Variants in UBASH3A observed in about 807,000 individuals in gnomAD.
The protein encoded by UBASH3A is ubiquitin-associated and SH3 domain-containing protein A.
Under a neutral mutation model 73.5 loss-of-function variants are expected in UBASH3A, and 63 were observed. The observed-to-expected ratio is 0.86, with a 90% CI of 0.70 to 1.06. UBASH3A has a LOEUF of 1.06. Among genes scored for constraint, UBASH3A ranks in the 50% least tolerant of loss-of-function variants. UBASH3A has a pLI of 0.00. For missense variants in UBASH3A, 860 were observed against 859.0 expected (o/e 1.00, Z -0.02); for synonymous variants, 363 against 351.1 (o/e 1.03, Z -0.38).
At chr21:42,406,453 A>C in intron 2 of UBASH3A, 92 bp downstream of exon 2, 1 of 1,144,630 alleles carries the variant, frequency 8.7e-7, no homozygotes, top group South Asian at 1.2e-5. Context: ...TACCAGGAAG[A>C]GCCGGGCGCC....
chr21:42,410,303 A>G (rs967740555), intron 3 of UBASH3A: 3 of 616,574 alleles, frequency 4.9e-6, no homozygotes, highest in Non-Finnish European at 8.7e-6. Context: ...AGAGGGGCTT[A>G]AGGAAGGGCA....
intron 6 of UBASH3A, among the ~76,000 whole-genome samples, 153 bp downstream of exon 6, chr21:42,416,764 T>C (rs1271795995): frequency 6.6e-6 from 1 of 152,058 alleles, no homozygotes; most frequent in African/African-American, 2.4e-5. Context: ...AAACCTCGTC[T>C]CTACTAAAAA....
intron 8 of UBASH3A, among the ~76,000 whole-genome samples, chr21:42,427,369 C>T (rs1028547460): frequency 3.9e-5 from 6 of 152,206 alleles, no homozygotes; most frequent in Admixed American, 2.6e-4. Context: ...TCTGAAGCTT[C>T]ACACTCCTTA....
At position 42,413,508 on chromosome 21, in the gene UBASH3A, T is replaced by C. The variant is rs747725715; in HGVS notation, c.652T>C (p.Tyr218His). 6.2e-7 allele frequency: 1 copy of C among 1,613,240 alleles called. No individual in the cohort carries two copies. Among genetic ancestry groups the C allele is most frequent in the Non-Finnish European group, 8.5e-7 (1 of 1,179,370 alleles). Residue 218 changes from tyrosine to histidine, a missense_variant, in exon 5 of 15, where the codon TAC becomes CAC. By Grantham distance (83) the Tyr-to-His change is moderately conservative. Coordinates refer to ENST00000319294, the MANE Select transcript of UBASH3A (RefSeq NM_018961.4). The surrounding 1 kb of genome is among the most constrained non-coding windows in gnomAD (Gnocchi z 4.5). ...NLTRASFVSH[Y>H]ILQKYCSVKP... The stretch of plus-strand genomic sequence containing the variant: ...AACTAGAGCCTCCTTCGTGAGCCAC[T>C]ACATCCTTCAAAAATGTAAGCCATT...
Position 42,413,831 on chromosome 21 carries a change from T to C in UBASH3A, c.667+308T>C, listed in dbSNP as rs947670832. On this transcript the variant is annotated intron_variant, in intron 5 of 14. Coordinates refer to ENST00000319294, the MANE Select transcript of UBASH3A (RefSeq NM_018961.4). The surrounding 1 kb of genome is among the most constrained non-coding windows in gnomAD (Gnocchi z 4.5). ...CCTTGGCCTCTCCAGGGAAAGATTA[T>C]TTAGACTCATATTCAGAATCATCAA... is the stretch of plus-strand genomic sequence containing the variant. Among the ~76,000 whole-genome samples, 1 of 152,150 alleles carries C rather than the reference T, an allele frequency of 6.6e-6. No homozygotes were observed. Among genetic ancestry groups the C allele is most frequent in the African/African-American group, 2.4e-5 (1 of 41,454 alleles).
intron 1 of UBASH3A, among the ~76,000 whole-genome samples, chr21:42,404,635 C>G (rs1389643600): frequency 6.6e-6 from 1 of 152,182 alleles, no homozygotes; most frequent in African/African-American, 2.4e-5. Context: ...AGTGGCGTTT[C>G]AAGATATTCA....
chr21:42,421,454 A>G (rs1197777953), intron 7 of UBASH3A, among the ~76,000 whole-genome samples: 3 of 152,174 alleles, frequency 2.0e-5, no homozygotes, highest in African/African-American at 7.2e-5. Context: ...TCATTTGTTT[A>G]ATTCTCTCCT....
chr21:42,404,772 G>A (rs1367502165), intron 1 of UBASH3A, among the ~76,000 whole-genome samples: 1 of 152,186 alleles, frequency 6.6e-6, no homozygotes, highest in East Asian at 1.9e-4. Context: ...TTGAGTGTCT[G>A]ATAACGAAAC....
chr21:42,430,184 C>T (rs1200194812), intron 8 of UBASH3A, among the ~76,000 whole-genome samples: 1 of 152,156 alleles, frequency 6.6e-6, no homozygotes, highest in African/African-American at 2.4e-5. Flanking sequence ...AGGGACACCA[C>T]GGGGGACCAC....
intron 11 of UBASH3A, 113 bp downstream of exon 11, chr21:42,437,693 A>G: frequency 1.1e-6 from 1 of 941,318 alleles, no homozygotes; most frequent in Non-Finnish European, 1.7e-6. Flanking sequence ...GAATGCCCAC[A>G]CCAAAGTCAT....
chr21:42,434,783 C>G, intron 9 of UBASH3A, 49 bp from the exon 10 acceptor site: 1 of 1,571,962 alleles, frequency 6.4e-7, no homozygotes, highest in Non-Finnish European at 8.6e-7. Flanking sequence ...TGGAACAAAT[C>G]TGTACTAACT....
intron 11 of UBASH3A, among the ~76,000 whole-genome samples, chr21:42,438,984 G>A (rs567119663): frequency 1.3e-5 from 2 of 152,264 alleles, no homozygotes; most frequent in African/African-American, 4.8e-5. Flanking sequence ...ACCTTCACAG[G>A]AGGAGCCGTT....
Position 42,409,541 on chromosome 21 carries a change from A to G in UBASH3A, c.287A>G (p.Lys96Arg). The G allele has an allele frequency of 3.1e-6, 5 of 1,614,138 alleles. No individual in the cohort carries two copies. The highest frequency in any genetic ancestry group is 2.2e-5 in the East Asian group (1 of 44,880). The change falls in exon 3 of 15, where the codon AAG becomes AGG. Residue 96 changes from lysine to arginine, a missense_variant. Physicochemically the swap from Lys to Arg is conservative, Grantham distance 26 (BLOSUM62 2). Transcript: ENST00000319294. ...CTTCAAGAGTTCTGGAGAGAGAGCA[A>G]GCGCCAGTGTGCAAAGAACAGAGCT... ...EKLQEFWRES[K>R]RQCAKNRAHE...
intron 3 of UBASH3A, among the ~76,000 whole-genome samples, chr21:42,410,999 G>T (rs1734084432): frequency 6.8e-6 from 1 of 148,004 alleles, no homozygotes; most frequent in Admixed American, 6.8e-5. Context: ...GACATACATA[G>T]ATATAGACAC....
intron 8 of UBASH3A, among the ~76,000 whole-genome samples, chr21:42,428,488 G>A (rs112105562): frequency 1.3e-5 from 2 of 152,012 alleles, no homozygotes; most frequent in African/African-American, 4.8e-5. Flanking sequence ...TATTTAAAAA[G>A]CTTTAAATGT....
Position 42,418,557 on chromosome 21 carries a change from C to T in UBASH3A, c.994C>T (p.Pro332Ser), listed in dbSNP as rs772659472. ...GCGGACGGGCTGCCGGGGCTTCCTGCCGGAAAACTACACGGATCGAGCCAG... is the reference window on the plus strand; with the variant it reads ...GCGGACGGGCTGCCGGGGCTTCCTGTCGGAAAACTACACGGATCGAGCCAG... ...SQRTGCRGFL[P>S]ENYTDRASES... is the part of the protein sequence containing the mutation. Residue 332 changes from proline to serine, a missense_variant, in exon 7 of 15, where the codon CCG (proline) becomes TCG (serine). Transcript: ENST00000319294. 25 of 1,614,032 alleles carry T rather than the reference C, an allele frequency of 1.5e-5. No individual in the cohort carries two copies. The highest frequency in any genetic ancestry group is 2.1e-5 in the Non-Finnish European group (25 of 1,180,044).
intron 10 of UBASH3A, among the ~76,000 whole-genome samples, chr21:42,436,349 G>A (rs1019420890): frequency 2.0e-5 from 3 of 152,172 alleles, no homozygotes; most frequent in Non-Finnish European, 2.9e-5. Flanking sequence ...TGCACTCCCC[G>A]ACAACTGATT....
At chr21:42,430,170 GT>G (rs963355263) in intron 8 of UBASH3A, among the ~76,000 whole-genome samples, 2 of 152,056 alleles carry the variant, frequency 1.3e-5, no homozygotes, top group African/African-American at 4.8e-5. Flanking sequence ...ACTTCCCTAG[GT>G]ACAGGGACAC....
At chr21:42,426,967 TC>T in intron 8 of UBASH3A, 147 bp downstream of exon 8, 2 of 1,024,468 alleles carry the variant, frequency 2.0e-6, no homozygotes, top group Non-Finnish European at 2.8e-6. Flanking sequence ...CAAGGGGGCC[TC>T]CCAGGTCTGA....
Sources: gnomAD v4.1 joint callset for allele counts (sites outside exome capture counted in the v4.1 genomes callset) on GRCh38, gnomAD v4.1.1 for gene constraint, Gnocchi (gnomAD v3.1) non-coding constraint, MANE v1.5 for transcripts, NCBI Gene and HGNC (gene_info 2026-07-23, HGNC 2026-07-21) for gene names.